PCBP3: variants seen among roughly 807,000 people sequenced by gnomAD.
PCBP3 encodes the protein poly(rC) binding protein 3.
PCBP3 carries 25 observed loss-of-function variants against 52.7 expected under a neutral mutation model. The ratio of observed to expected loss-of-function variants is 0.47; its 90% CI spans 0.35 to 0.66. The LOEUF (loss-of-function observed/expected upper bound fraction) is 0.66, where lower values mean the gene tolerates loss of function less well. Among genes scored for constraint, PCBP3 ranks in the 30% least tolerant of loss-of-function variants. The probability of loss-of-function intolerance (pLI) is 0.01; values close to 1 mark genes in which losing one functional copy is unlikely to be tolerated. For synonymous variants in PCBP3, 162 were observed against 183.0 expected (o/e 0.89, Z 0.93); for missense variants, 391 against 490.3 (o/e 0.80, Z 1.91).
At chr21:45,891,242 T>C (rs2095655611) in intron 5 of PCBP3, among the ~76,000 whole-genome samples, 1 of 152,244 alleles carries the variant, frequency 6.6e-6, no homozygotes, top group South Asian at 2.1e-4. Flanking sequence ...CCAACCGTTG[T>C]GCTCCTAGGT....
intron 4 of PCBP3, among the ~76,000 whole-genome samples, chr21:45,839,533 T>C (rs994154684): frequency 3.3e-5 from 5 of 152,264 alleles, no homozygotes; most frequent in African/African-American, 1.2e-4. Flanking sequence ...CATATCTTTT[T>C]ATCTGTAGCC....
intron 2 of PCBP3, among the ~76,000 whole-genome samples, chr21:45,717,255 A>G (rs987104940): frequency 9.2e-5 from 14 of 152,068 alleles, no homozygotes; most frequent in African/African-American, 3.4e-4. Flanking sequence ...AGTATTTTCT[A>G]TATACAATAT....
chr21:45,790,654 C>T (rs1480515403), intron 4 of PCBP3, among the ~76,000 whole-genome samples: 4 of 151,984 alleles, frequency 2.6e-5, no homozygotes, highest in Non-Finnish European at 4.4e-5. Context: ...AAGTGGCCAG[C>T]GAGGGACCCA....
intron 4 of PCBP3, among the ~76,000 whole-genome samples, chr21:45,818,563 GT>G (rs1252011053): frequency 6.6e-6 from 1 of 152,162 alleles, no homozygotes; most frequent in Non-Finnish European, 1.5e-5. Flanking sequence ...AACTGCCACA[GT>G]TTTGTAAGAA....
chr21:45,657,370 T>G (rs1370853996), intron 1 of PCBP3, among the ~76,000 whole-genome samples: 1 of 152,220 alleles, frequency 6.6e-6, no homozygotes, highest in Non-Finnish European at 1.5e-5. Context: ...TTCATTCTTC[T>G]GCCTGTGGCT....
At chr21:45,785,620 C>G (rs1420547232) in intron 4 of PCBP3, among the ~76,000 whole-genome samples, 1 of 152,188 alleles carries the variant, frequency 6.6e-6, no homozygotes, top group Non-Finnish European at 1.5e-5. Flanking sequence ...GCCACCACCC[C>G]GTCTGGGAGG....
chr21:45,801,666 C>T (rs901717142), intron 4 of PCBP3, among the ~76,000 whole-genome samples: 1 of 152,340 alleles, frequency 6.6e-6, no homozygotes, highest in South Asian at 2.1e-4. Context: ...CTCCTGGATG[C>T]ACTCTGCTTA....
At chr21:45,674,624 A>G (rs1271819062) in intron 2 of PCBP3, among the ~76,000 whole-genome samples, 1 of 152,208 alleles carries the variant, frequency 6.6e-6, no homozygotes, top group East Asian at 1.9e-4. Flanking sequence ...TAAAAAATTG[A>G]TAAACTTGAG....
intron 4 of PCBP3, among the ~76,000 whole-genome samples, chr21:45,845,787 T>C (rs1342469728): frequency 6.6e-6 from 1 of 152,280 alleles, no homozygotes; most frequent in African/African-American, 2.4e-5. Flanking sequence ...TTGTCTGGAC[T>C]GTGCCCAGGA....
At chr21:45,690,691 G>A (rs974874750) in intron 2 of PCBP3, among the ~76,000 whole-genome samples, 1 of 151,900 alleles carries the variant, frequency 6.6e-6, no homozygotes, top group East Asian at 1.9e-4. Context: ...CATACAAATG[G>A]CTAATAAGCA....
chr21:45,877,563 G>T (rs2095294499), intron 5 of PCBP3, among the ~76,000 whole-genome samples: 1 of 152,200 alleles, frequency 6.6e-6, no homozygotes, highest in African/African-American at 2.4e-5. Context: ...CAACACTTTG[G>T]GAGGCCGAAG....
intron 4 of PCBP3, among the ~76,000 whole-genome samples, chr21:45,812,798 C>A (rs976503866): frequency 6.6e-6 from 1 of 152,190 alleles, no homozygotes; most frequent in Non-Finnish European, 1.5e-5. Context: ...GAAATTCTCT[C>A]TAAAATTTTA....
At chr21:45,789,693 G>C (rs114579807) in intron 4 of PCBP3, among the ~76,000 whole-genome samples, 1,738 of 152,272 alleles carry the variant, frequency 0.011, 16 homozygotes, top group Non-Finnish European at 0.018. Context: ...GTCATTTGTG[G>C]TCCTGTGGCG....
intron 3 of PCBP3, among the ~76,000 whole-genome samples, chr21:45,738,802 A>G (rs1218499212): frequency 2.5e-5 from 3 of 117,764 alleles, no homozygotes; most frequent in African/African-American, 1.0e-4. Context: ...CTTCTTGTCC[A>G]TGGTCCTCTG....
chr21:45,785,894 C>A (rs1037292348), intron 4 of PCBP3, among the ~76,000 whole-genome samples: 5 of 149,916 alleles, frequency 3.3e-5, no homozygotes, highest in Admixed American at 2.0e-4. Context: ...GGATTAAGGG[C>A]GGTGCAAGAT....
At chr21:45,771,285 G>T (rs1441922248) in intron 4 of PCBP3, among the ~76,000 whole-genome samples, 3 of 152,204 alleles carry the variant, frequency 2.0e-5, no homozygotes, top group African/African-American at 4.8e-5. Flanking sequence ...TCCACACGGG[G>T]TCCCATGGGA....
chr21:45,865,690 C>T (rs1208554304), intron 5 of PCBP3, among the ~76,000 whole-genome samples: 4 of 152,280 alleles, frequency 2.6e-5, no homozygotes, highest in East Asian at 3.9e-4. Context: ...GATGGTCTTC[C>T]ACAAGGCCCT....
rs73907842 is a variant in PCBP3, at chr21:45,704,405, T to C, written c.-199-30987T>C. 4.4e-4 allele frequency among the ~76,000 whole-genome samples: 67 copies of C among 152,270 alleles called. No homozygotes were observed. Among genetic ancestry groups the C allele is most frequent in the African/African-American group, 1.6e-3 (66 of 41,566 alleles). On this transcript the variant is annotated intron_variant, in intron 2 of 17. Coordinates refer to ENST00000681687, the MANE Select transcript of PCBP3 (RefSeq NM_001384156.1). This position sits in a 1 kb window ranked among gnomAD's most constrained non-coding sequence, Gnocchi z 4.1. ...GGAACAAGAGCAGGAAGTTTTAAAA[T>C]GCAGGACATGCTATCCTCTGTTGCT...
intron 4 of PCBP3, among the ~76,000 whole-genome samples, chr21:45,779,272 T>C (rs1419612720): frequency 6.6e-6 from 1 of 152,150 alleles, no homozygotes. Flanking sequence ...TCTCCTGATG[T>C]TATTTTCAGG....
Sources: gnomAD v4.1 joint callset for allele counts (sites outside exome capture counted in the v4.1 genomes callset) on GRCh38, gnomAD v4.1.1 for gene constraint, Gnocchi (gnomAD v3.1) non-coding constraint, MANE v1.5 for transcripts, NCBI Gene and HGNC (gene_info 2026-07-23, HGNC 2026-07-21) for gene names.